The following C1orf116 variants were observed in gnomAD, a reference collection of about 807,000 sequenced individuals.
C1orf116 encodes the protein chromosome 1 open reading frame 116.
Under a neutral mutation model 14.1 loss-of-function variants are expected in C1orf116, and 12 were observed. The observed-to-expected ratio is 0.85, with a 90% confidence interval of 0.54 to 1.38. The LOEUF (loss-of-function observed/expected upper bound fraction) is 1.38. Ranked by LOEUF, C1orf116 falls within the 40% of genes most tolerant of loss-of-function variation. C1orf116 has a pLI of 0.00. For missense variants in C1orf116, 797 were observed against 747.0 expected (o/e 1.07, Z -0.78); for synonymous variants, 296 against 299.0 (o/e 0.99, Z 0.10).
rs146854683 is a variant in C1orf116 at position 207,022,414 on chromosome 1, C to T, written c.1350G>A (p.Arg450=). 1 of 1,614,154 alleles carries T rather than the reference C, an allele frequency of 6.2e-7. No individual in the cohort carries two copies. The highest frequency in any genetic ancestry group is 2.2e-5 in the East Asian group (1 of 44,874). Residue 450 remains arginine (R), a synonymous_variant, in exon 4 of 4, where the codon AGG becomes AGA. Coordinates refer to ENST00000359470, the MANE Select transcript of C1orf116 (RefSeq NM_023938.6). The stretch of plus-strand genomic sequence containing the variant: ...TCGGTGGAGTCAGGGCACTGTTTGC[C>T]CTTGGGGCCTTAGGGATAGAAATTG... ...SMPISIPKAP[R]ANSALTPPKP...
At position 207,032,066 on chromosome 1, in the gene C1orf116, A is replaced by G. The variant is rs139505149; in HGVS notation, c.-82+513T>C. Among the ~76,000 whole-genome samples, 56 of 152,310 alleles carry G rather than the reference A, an allele frequency of 3.7e-4. No homozygotes were observed. The East Asian group carries it at 0.01, about 28-fold the overall frequency. ...GCTCATGCCTAACACACCTGTACACAGAGAGCTCCATTATCACATGAGCAT... is the reference window on the plus strand; with the variant it reads ...GCTCATGCCTAACACACCTGTACACGGAGAGCTCCATTATCACATGAGCAT... On this transcript the variant is annotated intron_variant, in intron 1 of 3. Transcript: ENST00000359470.
Position 207,021,829 on chromosome 1 carries a change from G to T in C1orf116, c.*129C>A. On this transcript the variant is annotated 3_prime_UTR_variant, in exon 4 of 4. Coordinates refer to ENST00000359470, the MANE Select transcript of C1orf116 (RefSeq NM_023938.6). ...CAATGGCACAACACTGAATATAAAT[G>T]TATGCTTGGACTCAAATCTCTCCCT... 1.1e-6 allele frequency: 1 copy of T among 897,614 alleles called. No homozygotes were observed. The highest frequency in any genetic ancestry group is 1.6e-6 in the Non-Finnish European group (1 of 619,526). The allele number at this position is 897,614 out of a possible 1,614,324, so 55.6% of individuals were successfully genotyped here.
intron 1 of C1orf116, among the ~76,000 whole-genome samples, chr1:207,029,332 G>A (rs1682176732): frequency 6.6e-6 from 1 of 152,076 alleles, no homozygotes; most frequent in South Asian, 2.1e-4. Flanking sequence ...ATAAATGTGG[G>A]GTGAGGAAGC....
chr1:207,030,637 A>G (rs1682216516), intron 1 of C1orf116, among the ~76,000 whole-genome samples: 1 of 152,306 alleles, frequency 6.6e-6, no homozygotes, highest in East Asian at 1.9e-4. Flanking sequence ...TGACCTAAAG[A>G]ATCTTAATGG....
At chr1:207,029,718 T>A (rs1045470611) in intron 1 of C1orf116, among the ~76,000 whole-genome samples, 1 of 152,216 alleles carries the variant, frequency 6.6e-6, no homozygotes, top group African/African-American at 2.4e-5. Flanking sequence ...ATTTGGGCAA[T>A]GTTTTCAGTT....
At chr1:207,030,880 T>C (rs141945673) in intron 1 of C1orf116, among the ~76,000 whole-genome samples, 58 of 152,296 alleles carry the variant, frequency 3.8e-4, no homozygotes, top group Middle Eastern at 3.4e-3. Context: ...AAATATTAAC[T>C]ACACCACTGA....
chr1:207,029,436 C>T (rs1682180221), intron 1 of C1orf116, among the ~76,000 whole-genome samples: 1 of 152,148 alleles, frequency 6.6e-6, no homozygotes, highest in Admixed American at 6.5e-5. Context: ...TCAGTCATCT[C>T]AGCTACCCAC....
Position 207,020,945 on chromosome 1 carries a change from C to A in C1orf116, c.*1013G>T, listed in dbSNP as rs983958133. The A allele has an allele frequency of 6.6e-6, 1 of 152,064 alleles. No homozygotes were observed. The highest frequency in any genetic ancestry group is 6.5e-5 in the Admixed American group (1 of 15,280). The allele number at this position is 152,064 out of a possible 1,614,324, so 9.4% of individuals were successfully genotyped here. A position where few individuals can be genotyped will look rare whatever the true frequency, so the allele number is the denominator to read the frequency against. ...CACTGCGTCAGAGCTTCTCTGAGGC[C>A]CCTCTTACCTCTGATATTCTATTAA... is the stretch of plus-strand genomic sequence containing the variant. On this transcript the variant is annotated 3_prime_UTR_variant, in exon 4 of 4. Coordinates refer to ENST00000359470, the MANE Select transcript of C1orf116 (RefSeq NM_023938.6).
At chr1:207,031,838 G>T (rs188135900) in intron 1 of C1orf116, among the ~76,000 whole-genome samples, 1 of 152,316 alleles carries the variant, frequency 6.6e-6, no homozygotes, top group East Asian at 1.9e-4. Flanking sequence ...ATTCATGTGG[G>T]TGAGGCTCGG....
intron 3 of C1orf116, among the ~76,000 whole-genome samples, chr1:207,023,742 C>T (rs563123668): frequency 1.1e-4 from 16 of 152,258 alleles, no homozygotes; most frequent in Admixed American, 5.9e-4. Context: ...TTTGGGAGGC[C>T]AAAGCAAGTG....
At chr1:207,029,712 G>A (rs1331325407) in intron 1 of C1orf116, among the ~76,000 whole-genome samples, 1 of 152,142 alleles carries the variant, frequency 6.6e-6, no homozygotes, top group Non-Finnish European at 1.5e-5. Flanking sequence ...AGTGAAATTT[G>A]GGCAATGTTT....
chr1:207,029,457 A>G (rs372118323), intron 1 of C1orf116, among the ~76,000 whole-genome samples: 14 of 152,304 alleles, frequency 9.2e-5, no homozygotes, highest in African/African-American at 3.4e-4. Context: ...TCCATGAATG[A>G]TGCCCAAGTT....
At chr1:207,028,243 C>G (rs1176324197) in intron 1 of C1orf116, among the ~76,000 whole-genome samples, 1 of 152,060 alleles carries the variant, frequency 6.6e-6, no homozygotes, top group Non-Finnish European at 1.5e-5. Flanking sequence ...TAGGATCAAA[C>G]TAAATTGAAA....
rs1301344327 is a variant in C1orf116, at chr1:207,023,365, G to C, written c.399C>G (p.Ser133Arg). ...TGGCAATGTGGATATTCCTAGGGAGGCTGTAGGAGCCAGACCTGAGGCCTA... is the reference window on the plus strand; with the variant it reads ...TGGCAATGTGGATATTCCTAGGGAGCCTGTAGGAGCCAGACCTGAGGCCTA... ...QGLGLRSGSY[S>R]LPRNIHIARS... is the part of the protein sequence containing the mutation. The change falls in exon 4 of 4, where the codon AGC (serine) becomes AGG (arginine). Residue 133 changes from serine to arginine, a missense_variant. Coordinates refer to ENST00000359470, the MANE Select transcript of C1orf116 (RefSeq NM_023938.6). The C allele has an allele frequency of 6.2e-7, 1 of 1,614,162 alleles. No homozygotes were observed. The highest frequency in any genetic ancestry group is 1.7e-5 in the Admixed American group (1 of 60,024).
In C1orf116 at chr1:207,023,358, T is replaced by C. The variant is rs1681952538; in HGVS notation, c.406A>G (p.Arg136Gly). The C allele has an allele frequency of 6.2e-7, 1 of 1,613,964 alleles. No homozygotes were observed. The highest frequency in any genetic ancestry group is 1.3e-5 in the African/African-American group (1 of 74,934). ...TGGCTTCTGGCAATGTGGATATTCCTAGGGAGGCTGTAGGAGCCAGACCTG... is the reference window on the plus strand; with the variant it reads ...TGGCTTCTGGCAATGTGGATATTCCCAGGGAGGCTGTAGGAGCCAGACCTG... ...GLRSGSYSLP[R>G]NIHIARSQNF... is the part of the protein sequence containing the mutation. Residue 136 changes from arginine (R) to glycine (G), a missense_variant, in exon 4 of 4, where the codon AGG (arginine) becomes GGG (glycine). By Grantham distance (125) the Arg-to-Gly change is moderately radical (BLOSUM62 -2). Transcript: ENST00000359470.
rs199535586 is a variant in C1orf116 at position 207,022,287 on chromosome 1, T to C, written c.1477A>G (p.Ser493Gly). ...GCATCTTTCTCAGTTGAAAGGTAGC[T>C]GCTCAGTCCCACGCCTGAGCGCTCC... is the stretch of plus-strand genomic sequence containing the variant. ...TLERSGVGLS[S>G]YLSTEKDASP... Residue 493 changes from serine (S) to glycine (G), a missense_variant, in exon 4 of 4, where the codon AGC becomes GGC. Physicochemically the swap from Ser to Gly is moderately conservative, Grantham distance 56. Transcript: ENST00000359470. 3.1e-5 allele frequency: 50 copies of C among 1,613,818 alleles called. No homozygotes were observed. In the East Asian group the frequency reaches 1.0e-3, roughly 34 times the overall value.
At position 207,032,585 on chromosome 1, in the gene C1orf116, T is replaced by C. The variant is rs1022296362; in HGVS notation, c.-88A>G. On this transcript the variant is annotated 5_prime_UTR_variant, in exon 1 of 4. Transcript: ENST00000359470. Reference sequence around the variant, plus strand: ...TGGTTAGTGATTAACTCACCTCCACTGGGTTGGGGGCTGAAGAGAGAAAAG... The same window carrying C: ...TGGTTAGTGATTAACTCACCTCCACCGGGTTGGGGGCTGAAGAGAGAAAAG... 3.6e-5 allele frequency: 35 copies of C among 985,338 alleles called. No individual in the cohort carries two copies. Among genetic ancestry groups the C allele is most frequent in the Non-Finnish European group, 4.2e-5 (35 of 829,954 alleles). 61.0% of individuals were successfully genotyped at this position (985,338 alleles called of 1,614,324 possible).
rs1681944061 is a variant in C1orf116 at position 207,023,128 on chromosome 1, A to C, written c.636T>G (p.Cys212Trp). The change falls in exon 4 of 4, where the codon TGT becomes TGG. Residue 212 changes from cysteine (C) to tryptophan (W), a missense_variant. By Grantham distance (215) the Cys-to-Trp change is radical. Transcript: ENST00000359470. ...EAFRDTQPEQCREASLPEGPG... is the reference protein window; with the variant it reads ...EAFRDTQPEQWREASLPEGPG... ...GCCCCTCGGGCAGGCTGGCTTCCCTACACTGCTCTGGCTGGGTGTCCCGGA... is the reference window on the plus strand; with the variant it reads ...GCCCCTCGGGCAGGCTGGCTTCCCTCCACTGCTCTGGCTGGGTGTCCCGGA... The C allele has an allele frequency of 6.2e-7, 1 of 1,612,626 alleles. No homozygotes were observed. Among genetic ancestry groups the C allele is most frequent in the South Asian group, 1.1e-5 (1 of 91,034 alleles).
chr1:207,031,374 T>C (rs183207450), intron 1 of C1orf116, among the ~76,000 whole-genome samples: 5 of 152,292 alleles, frequency 3.3e-5, no homozygotes, highest in Admixed American at 1.3e-4. Context: ...TGGTCTTTAT[T>C]CCTAAATTCA....
Sources: gnomAD v4.1 joint callset for allele counts (sites outside exome capture counted in the v4.1 genomes callset) on GRCh38, gnomAD v4.1.1 for gene constraint, MANE v1.5 for transcripts, NCBI Gene and HGNC (gene_info 2026-07-23, HGNC 2026-07-21) for gene names.